Variants in TP63 observed in about 807,000 individuals in gnomAD.
TP63 encodes the protein tumor protein p63, also known as tumor protein 63.
TP63 carries 17 observed loss-of-function variants against 82.8 expected under a neutral mutation model. The observed-to-expected ratio is 0.21, with a 90% CI of 0.14 to 0.31. TP63 has a LOEUF of 0.31. Among genes scored for constraint, TP63 ranks in the 10% least tolerant of loss-of-function variants. The pLI, the probability that TP63 is intolerant of heterozygous loss-of-function variation, is 1.00. For synonymous variants in TP63, 330 were observed against 321.7 expected (o/e 1.03, Z -0.28); for missense variants, 648 against 895.3 (o/e 0.72, Z 3.52).
intron 1 of TP63, among the ~76,000 whole-genome samples, chr3:189,734,175 T>C (rs1206351337): frequency 7.3e-6 from 1 of 136,578 alleles, no homozygotes; most frequent in Non-Finnish European, 1.6e-5. Context: ...TCCCTTCTTT[T>C]TTTTTTTTTT....
At chr3:189,887,752 T>C (rs535686032) in intron 11 of TP63, among the ~76,000 whole-genome samples, 1 of 152,210 alleles carries the variant, frequency 6.6e-6, no homozygotes, top group African/African-American at 2.4e-5. Context: ...ATTATTTTGA[T>C]CAAACCTCTA....
chr3:189,597,243 G>A, the TP63 span, among the ~76,000 whole-genome samples: 2 of 152,188 alleles, frequency 1.3e-5, no homozygotes, highest in East Asian at 3.9e-4. Flanking sequence ...ACCTTGGTAA[G>A]TACTCAGTTT....
chr3:189,719,143 GA>G (rs1577297776), intron 1 of TP63, among the ~76,000 whole-genome samples: 1 of 152,040 alleles, frequency 6.6e-6, no homozygotes, highest in East Asian at 1.9e-4. Context: ...ACGCACGAAG[GA>G]AAAACCTGCC....
intron 4 of TP63, among the ~76,000 whole-genome samples, chr3:189,849,764 G>A (rs557944742): frequency 1.2e-4 from 18 of 152,080 alleles, no homozygotes; most frequent in African/African-American, 3.1e-4. Context: ...GGCATGAAGC[G>A]CGTGCTCAAT....
intron 1 of TP63, among the ~76,000 whole-genome samples, chr3:189,672,695 A>AGGAG (rs1185878101): frequency 6.7e-6 from 1 of 150,372 alleles, no homozygotes; most frequent in African/African-American, 2.4e-5. Context: ...GAAGGAAGGA[A>AGGAG]GGAAGGAAGG....
At chr3:189,647,434 C>T (rs1712510366) in intron 1 of TP63, among the ~76,000 whole-genome samples, 1 of 146,994 alleles carries the variant, frequency 6.8e-6, no homozygotes, top group Non-Finnish European at 1.5e-5. Flanking sequence ...AAATATGACT[C>T]ATATTTCAGC....
chr3:189,701,522 C>T (rs369340854), intron 1 of TP63, among the ~76,000 whole-genome samples: 1 of 136,780 alleles, frequency 7.3e-6, no homozygotes, highest in South Asian at 2.3e-4. Flanking sequence ...GATATATATA[C>T]ATATATATAT....
intron 3 of TP63, among the ~76,000 whole-genome samples, chr3:189,792,342 C>G (rs919208420): frequency 1.3e-5 from 2 of 152,056 alleles, no homozygotes; most frequent in African/African-American, 4.8e-5. Context: ...TGGGAATGGT[C>G]TCAGACTTGG....
chr3:189,801,118 C>A lies in TP63; in HGVS notation c.325-7154C>A, dbSNP rs143141921. 6.3e-3 allele frequency among the ~76,000 whole-genome samples: 965 copies of A among 152,212 alleles called. 7 individuals are homozygous for A. Among genetic ancestry groups the A allele is most frequent in the African/African-American group, 0.022 (923 of 41,536 alleles). On this transcript the variant is annotated intron_variant, in intron 3 of 13. Coordinates refer to ENST00000264731, the MANE Select transcript of TP63 (RefSeq NM_003722.5). The stretch of plus-strand genomic sequence containing the variant: ...AAAAAATATTTTTAAACTCACTTTC[C>A]AAACCAAGGATGCATTACTGCTGGG...
At chr3:189,678,692 G>T (rs1302508002) in intron 1 of TP63, among the ~76,000 whole-genome samples, 1 of 151,872 alleles carries the variant, frequency 6.6e-6, no homozygotes, top group Non-Finnish European at 1.5e-5. Flanking sequence ...TCATATCAAT[G>T]ATATTGATTC....
chr3:189,775,504 C>A (rs1723727667), intron 3 of TP63, among the ~76,000 whole-genome samples: 1 of 152,106 alleles, frequency 6.6e-6, no homozygotes, highest in East Asian at 1.9e-4. Context: ...TCCTTGTTTT[C>A]ACTTAGTTTT....
chr3:189,847,289 C>T (rs141756350), intron 4 of TP63, among the ~76,000 whole-genome samples: 9,202 of 152,184 alleles, frequency 0.06, 365 homozygotes, highest in Middle Eastern at 0.12. Flanking sequence ...ACCTTGGAGG[C>T]AGAGGTTGCA....
chr3:189,775,322 T>C (rs1723713434), intron 3 of TP63, among the ~76,000 whole-genome samples: 1 of 152,194 alleles, frequency 6.6e-6, no homozygotes, highest in Non-Finnish European at 1.5e-5. Context: ...CTGTGTTAAC[T>C]TGTTTACATC....
chr3:189,879,662 AC>A (rs1287986054), intron 10 of TP63, among the ~76,000 whole-genome samples: 2 of 151,308 alleles, frequency 1.3e-5, no homozygotes, highest in Non-Finnish European at 3.0e-5. Context: ...AGTCCAGTAA[AC>A]CGTATGCGAA....
intron 3 of TP63, among the ~76,000 whole-genome samples, chr3:189,741,247 C>T (rs1228008055): frequency 6.6e-6 from 1 of 150,760 alleles, no homozygotes; most frequent in African/African-American, 2.4e-5. Context: ...ACGTAGAAAT[C>T]CTGGGGCTTC....
rs572483335 is a variant in TP63 at position 189,650,599 on chromosome 3, G to A, written c.62+19022G>A. Among the ~76,000 whole-genome samples, 50 of 147,254 alleles carry A rather than the reference G, an allele frequency of 3.4e-4. 8 individuals are homozygous for A. Among genetic ancestry groups the A allele is most frequent in the African/African-American group, 1.2e-3 (49 of 39,444 alleles). ...CTCCTTCCTGCCACCATGTGAAGAA[G>A]GATGCATTTGCTTCCCATTCTGCCA... On this transcript the variant is annotated intron_variant, in intron 1 of 13. Transcript: ENST00000264731.
chr3:189,655,869 CAA>C (rs1317859951), intron 1 of TP63, among the ~76,000 whole-genome samples: 1 of 152,044 alleles, frequency 6.6e-6, no homozygotes, highest in African/African-American at 2.4e-5. Flanking sequence ...GATCTGAGTA[CAA>C]GAGAAGAGGA....
In TP63 at chr3:189,875,611, T is replaced by TATATATATATACAC. The variant is rs71175313; in HGVS notation, c.1349+2627_1349+2628insCACATATATATATA. 6.0e-4 allele frequency among the ~76,000 whole-genome samples: 46 copies of TATATATATATACAC among 77,038 alleles called. 3 individuals carry two copies. Among genetic ancestry groups the TATATATATATACAC allele is most frequent in the Non-Finnish European group, 1.1e-3 (38 of 35,902 alleles). 50.5% of individuals were successfully genotyped at this position (77,038 alleles called of 152,430 possible). A position where few individuals can be genotyped will look rare whatever the true frequency, so the allele number is the denominator to read the frequency against. ...ATACATACATATATATATATATATA[T>TATATATATATACAC]ATATATATATATATATATATATATA... On this transcript the variant is annotated intron_variant, in intron 10 of 13. Coordinates refer to ENST00000264731, the MANE Select transcript of TP63 (RefSeq NM_003722.5).
chr3:189,745,738 CAG>C (rs1326124622), intron 3 of TP63, among the ~76,000 whole-genome samples: 2 of 60,952 alleles, frequency 3.3e-5, no homozygotes, highest in Non-Finnish European at 3.4e-5. Flanking sequence ...AAAAGCCAAA[CAG>C]AAATTCTGAA....
Sources: allele counts gnomAD v4.1 joint callset (sites outside exome capture counted in the v4.1 genomes callset), GRCh38; gene constraint gnomAD v4.1.1; transcripts MANE v1.5; gene names NCBI Gene and HGNC (gene_info 2026-07-23, HGNC 2026-07-21).